The following SHISA6 variants were observed in gnomAD, a reference collection of about 807,000 sequenced individuals.
SHISA6 encodes shisa family member 6.
A neutral mutation model predicts 47.9 loss-of-function variants in SHISA6; 22 were observed. That is an observed-to-expected ratio of 0.46 (90% CI 0.33 to 0.66). The LOEUF (loss-of-function observed/expected upper bound fraction) is 0.66, where lower values mean the gene tolerates loss of function less well. Among genes scored for constraint, SHISA6 ranks in the 30% least tolerant of loss-of-function variants. SHISA6 has a pLI of 0.02. For synonymous variants in SHISA6, 388 were observed against 337.8 expected (o/e 1.15, Z -1.63); for missense variants, 680 against 764.6 (o/e 0.89, Z 1.30).
intron 1 of SHISA6, among the ~76,000 whole-genome samples, chr17:11,246,543 G>A (rs918471021): frequency 2.0e-5 from 3 of 152,002 alleles, no homozygotes; most frequent in Non-Finnish European, 4.4e-5. Flanking sequence ...AATTGTGGAA[G>A]AACTGGAGAA....
intron 3 of SHISA6, among the ~76,000 whole-genome samples, chr17:11,458,231 C>T (rs1414293798): frequency 2.0e-5 from 3 of 152,092 alleles, no homozygotes; most frequent in Admixed American, 6.5e-5. Context: ...CTTCAGGCTT[C>T]GGTTTTCTCA....
intron 2 of SHISA6, among the ~76,000 whole-genome samples, chr17:11,377,613 G>T (rs2142243100): frequency 6.6e-6 from 1 of 152,310 alleles, no homozygotes; most frequent in Non-Finnish European, 1.5e-5. Flanking sequence ...GAGATCTGGG[G>T]TAAGAGGGAG....
intron 2 of SHISA6, among the ~76,000 whole-genome samples, chr17:11,346,317 A>G (rs560557951): frequency 6.6e-6 from 1 of 152,302 alleles, no homozygotes; most frequent in Non-Finnish European, 1.5e-5. Context: ...ATTTTGGGGT[A>G]AATTCTACTT....
In SHISA6 at chr17:11,310,164, A is replaced by G. The variant is rs141172101; in HGVS notation, c.799+46638A>G. Among the ~76,000 whole-genome samples, 1,003 of 152,208 alleles carry G rather than the reference A, an allele frequency of 6.6e-3. 7 individuals are homozygous for G. The highest frequency in any genetic ancestry group is 0.023 in the African/African-American group (950 of 41,518). On this transcript the variant is annotated intron_variant, in intron 2 of 5. Transcript: ENST00000441885. Reference sequence around the variant, plus strand: ...ATGGACAGTCTCCATTATACATGCTATTTTCTTACTGTCTTGACTTGAGGA... The same window carrying G: ...ATGGACAGTCTCCATTATACATGCTGTTTTCTTACTGTCTTGACTTGAGGA...
rs888807640 is a variant in SHISA6, at chr17:11,508,989, C to A, written c.896-42907C>A. 2.3e-5 allele frequency among the ~76,000 whole-genome samples: 2 copies of A among 88,530 alleles called. 1 individual carries two copies. Among genetic ancestry groups the A allele is most frequent in the Non-Finnish European group, 4.9e-5 (2 of 40,758 alleles). 58.1% of individuals were successfully genotyped at this position (88,530 alleles called of 152,430 possible). A position where few individuals can be genotyped will look rare whatever the true frequency, so the allele number is the denominator to read the frequency against. On this transcript the variant is annotated intron_variant, in intron 3 of 5. Transcript: ENST00000441885. Reference sequence around the variant, plus strand: ...CCTCCTGAGGAAGAAAAACCTGTGACAAGAGCTTGTATCTGAGTGACATAA... The same window carrying A: ...CCTCCTGAGGAAGAAAAACCTGTGAAAAGAGCTTGTATCTGAGTGACATAA...
intron 2 of SHISA6, among the ~76,000 whole-genome samples, chr17:11,314,872 C>A (rs2142190389): frequency 6.6e-6 from 1 of 152,180 alleles, no homozygotes. Context: ...GCTCTATAAT[C>A]CATTTTGATG....
intron 1 of SHISA6, among the ~76,000 whole-genome samples, chr17:11,257,728 A>G (rs1908072261): frequency 6.6e-6 from 1 of 152,068 alleles, no homozygotes; most frequent in Non-Finnish European, 1.5e-5. Flanking sequence ...AAGAAAGAGG[A>G]AAAGCTCAGT....
intron 2 of SHISA6, among the ~76,000 whole-genome samples, chr17:11,307,785 A>T (rs921093005): frequency 2.6e-5 from 4 of 152,246 alleles, no homozygotes; most frequent in African/African-American, 9.6e-5. Flanking sequence ...ATAATGGTAC[A>T]TGCTATGGAG....
chr17:11,495,846 G>C (rs905803477), intron 3 of SHISA6, among the ~76,000 whole-genome samples: 1 of 152,156 alleles, frequency 6.6e-6, no homozygotes, highest in East Asian at 1.9e-4. Flanking sequence ...GTGCTGTTTT[G>C]GCTGCAGGCC....
At chr17:11,441,803 T>C (rs1915100842) in intron 3 of SHISA6, among the ~76,000 whole-genome samples, 1 of 152,186 alleles carries the variant, frequency 6.6e-6, no homozygotes, top group South Asian at 2.1e-4. Context: ...TTGAGTTGTG[T>C]CTGGTGCCAT....
At chr17:11,387,065 C>A (rs535468264) in intron 3 of SHISA6, among the ~76,000 whole-genome samples, 7 of 152,136 alleles carry the variant, frequency 4.6e-5, no homozygotes, top group South Asian at 4.1e-4. Context: ...GAGCTCGAAC[C>A]GGCACAGCTC....
intron 3 of SHISA6, among the ~76,000 whole-genome samples, chr17:11,495,656 CA>C (rs1457702192): frequency 8.5e-5 from 13 of 152,330 alleles, no homozygotes; most frequent in Admixed American, 3.9e-4. Flanking sequence ...GACATGAAAA[CA>C]GTCAGACTGC....
chr17:11,490,870 A>G (rs758444915), intron 3 of SHISA6, among the ~76,000 whole-genome samples: 2 of 152,256 alleles, frequency 1.3e-5, no homozygotes, highest in Non-Finnish European at 2.9e-5. Context: ...CTGATGACTC[A>G]ATGAAGAGAA....
chr17:11,443,115 G>A (rs1303452403), intron 3 of SHISA6, among the ~76,000 whole-genome samples: 2 of 152,202 alleles, frequency 1.3e-5, no homozygotes, highest in African/African-American at 4.8e-5. Flanking sequence ...TTTGACAGTT[G>A]TGACACACGT....
intron 3 of SHISA6, among the ~76,000 whole-genome samples, chr17:11,539,655 C>T (rs942988067): frequency 6.6e-6 from 1 of 152,234 alleles, no homozygotes; most frequent in Non-Finnish European, 1.5e-5. Context: ...TGGTGGTCCA[C>T]ATGCTCTCAG....
chr17:11,272,787 T>G (rs1567556632), intron 2 of SHISA6, among the ~76,000 whole-genome samples: 1 of 152,106 alleles, frequency 6.6e-6, no homozygotes, highest in South Asian at 2.1e-4. Context: ...CGGGGAACAG[T>G]AGGTCATATG....
chr17:11,264,012 T>C (rs1321895224), intron 2 of SHISA6, among the ~76,000 whole-genome samples: 1 of 152,288 alleles, frequency 6.6e-6, no homozygotes, highest in East Asian at 1.9e-4. Context: ...GTAGATTCCC[T>C]GGATGTATGA....
rs528532391 is a variant in SHISA6, at chr17:11,445,471, G to T, written c.895+65962G>T. Among the ~76,000 whole-genome samples the T allele has an allele frequency of 2.0e-5, 3 of 152,272 alleles. No homozygotes were observed. In the East Asian group the frequency reaches 5.8e-4, roughly 29 times the overall value. On this transcript the variant is annotated intron_variant, in intron 3 of 5. Transcript: ENST00000441885. Reference sequence around the variant, plus strand: ...TAACTCAGATTAATTAAATATTAATGTATTTTAGCAATGCAACTATATCAG... The same window carrying T: ...TAACTCAGATTAATTAAATATTAATTTATTTTAGCAATGCAACTATATCAG...
intron 3 of SHISA6, among the ~76,000 whole-genome samples, chr17:11,476,203 T>C (rs1347952998): frequency 6.6e-6 from 1 of 152,032 alleles, no homozygotes. Context: ...GCTAGAGGCT[T>C]ATCAATTTCA....
Sources: allele counts gnomAD v4.1 joint callset (sites outside exome capture counted in the v4.1 genomes callset), GRCh38; gene constraint gnomAD v4.1.1; transcripts MANE v1.5; gene names NCBI Gene and HGNC (gene_info 2026-07-23, HGNC 2026-07-21).